ZDHHC14: variants seen among roughly 807,000 people sequenced by gnomAD.
ZDHHC14 encodes zDHHC palmitoyltransferase 14.
Under a neutral mutation model 47.7 loss-of-function variants are expected in ZDHHC14, and 16 were observed. The observed-to-expected ratio is 0.34, with a 90% CI of 0.23 to 0.51. The LOEUF (loss-of-function observed/expected upper bound fraction) is 0.51. ZDHHC14 is among the 20% of genes least tolerant of loss of function. The pLI, the probability that ZDHHC14 is intolerant of heterozygous loss-of-function variation, is 0.97. For synonymous variants in ZDHHC14, 293 were observed against 278.9 expected (o/e 1.05, Z -0.50); for missense variants, 515 against 662.5 (o/e 0.78, Z 2.44).
intron 1 of ZDHHC14, among the ~76,000 whole-genome samples, chr6:157,529,779 A>G (rs1480190416): frequency 6.6e-6 from 1 of 152,232 alleles, no homozygotes; most frequent in Non-Finnish European, 1.5e-5. Context: ...TGTAGAGTGC[A>G]AAACAGAAGT....
At chr6:157,532,376 A>G (rs1465082796) in intron 1 of ZDHHC14, among the ~76,000 whole-genome samples, 1 of 152,232 alleles carries the variant, frequency 6.6e-6, no homozygotes, top group Non-Finnish European at 1.5e-5. Context: ...AATTCCATGA[A>G]CATTGCCGGT....
At chr6:157,523,089 C>T (rs1781018430) in intron 1 of ZDHHC14, among the ~76,000 whole-genome samples, 1 of 150,070 alleles carries the variant, frequency 6.7e-6, no homozygotes, top group Non-Finnish European at 1.5e-5. Flanking sequence ...GATCTCCAGA[C>T]TCCACCAGCA....
At chr6:157,509,060 G>T (rs1329144638) in intron 1 of ZDHHC14, among the ~76,000 whole-genome samples, 2 of 152,146 alleles carry the variant, frequency 1.3e-5, no homozygotes, top group Non-Finnish European at 2.9e-5. Flanking sequence ...GCATTCCTTG[G>T]CTCGTGGCTC....
chr6:157,668,896 G>A (rs1778669781), intron 8 of ZDHHC14, among the ~76,000 whole-genome samples: 1 of 152,208 alleles, frequency 6.6e-6, no homozygotes, highest in Non-Finnish European at 1.5e-5. Context: ...GCATGGCAAA[G>A]CACCAGTAGG....
chr6:157,579,003 T>G (rs1035693748), intron 2 of ZDHHC14, among the ~76,000 whole-genome samples: 3 of 152,200 alleles, frequency 2.0e-5, no homozygotes, highest in Non-Finnish European at 2.9e-5. Context: ...TCAGGTAATG[T>G]GATGCTTCCA....
At chr6:157,641,603 A>G (rs1320179997) in intron 5 of ZDHHC14, among the ~76,000 whole-genome samples, 1 of 152,168 alleles carries the variant, frequency 6.6e-6, no homozygotes, top group East Asian at 1.9e-4. Flanking sequence ...AATAATAATA[A>G]TAATCTCTTA....
At chr6:157,601,257 A>G (rs1784326741) in intron 3 of ZDHHC14, among the ~76,000 whole-genome samples, 1 of 152,268 alleles carries the variant, frequency 6.6e-6, no homozygotes, top group African/African-American at 2.4e-5. Context: ...CTTTATAGCA[A>G]AACACTGCCA....
chr6:157,608,512 G>A (rs1457678696), intron 3 of ZDHHC14, among the ~76,000 whole-genome samples: 4 of 152,204 alleles, frequency 2.6e-5, no homozygotes, highest in African/African-American at 9.6e-5. Flanking sequence ...GCCAGGCACA[G>A]AGAGGAGAGC....
At chr6:157,397,338 A>G (rs1487977513) in intron 1 of ZDHHC14, among the ~76,000 whole-genome samples, 3 of 152,232 alleles carry the variant, frequency 2.0e-5, no homozygotes, top group African/African-American at 7.2e-5. Context: ...CAGTCTGTAC[A>G]TCAGAAGTCT....
chr6:157,452,772 G>C (rs1034594969), intron 1 of ZDHHC14, among the ~76,000 whole-genome samples: 1 of 132,480 alleles, frequency 7.5e-6, no homozygotes, highest in Admixed American at 9.3e-5. Context: ...GTGCGATCTC[G>C]GCTCACTGCA....
At chr6:157,490,172 C>A (rs1779879922) in intron 1 of ZDHHC14, among the ~76,000 whole-genome samples, 1 of 152,068 alleles carries the variant, frequency 6.6e-6, no homozygotes, top group South Asian at 2.1e-4. Context: ...GGGAACAGGT[C>A]TTTTATGGGC....
chr6:157,612,610 G>T (rs1415648952), intron 3 of ZDHHC14, among the ~76,000 whole-genome samples: 1 of 152,154 alleles, frequency 6.6e-6, no homozygotes, highest in East Asian at 1.9e-4. Context: ...TATACACTGG[G>T]GATGTGTGGA....
intron 3 of ZDHHC14, 38 bp downstream of exon 3, chr6:157,593,184 G>T: frequency 6.3e-7 from 1 of 1,582,352 alleles, no homozygotes; most frequent in Non-Finnish European, 8.6e-7. Flanking sequence ...GGGAGCCCGG[G>T]TCCTCCGGGT....
At chr6:157,448,287 C>A (rs952381043) in intron 1 of ZDHHC14, among the ~76,000 whole-genome samples, 2 of 152,076 alleles carry the variant, frequency 1.3e-5, no homozygotes, top group African/African-American at 4.8e-5. Context: ...TTTGTTCTAC[C>A]ATTCACCTTA....
At chr6:157,552,517 C>T (rs1782274842) in intron 2 of ZDHHC14, among the ~76,000 whole-genome samples, 1 of 151,982 alleles carries the variant, frequency 6.6e-6, no homozygotes. Context: ...CATTTTTATT[C>T]CAAGTGTGGA....
At position 157,647,441 on chromosome 6, in the gene ZDHHC14, G is replaced by A. The variant is rs564877826; in HGVS notation, c.965+73G>A. On this transcript the variant is annotated intron_variant, in intron 7 of 8. Transcript: ENST00000359775. Reference sequence around the variant, plus strand: ...AATGCCTCGGCCGTTAGCACAGGCCGCCCGCCCTGGTGGAATGGGTCGCCG... The same window carrying A: ...AATGCCTCGGCCGTTAGCACAGGCCACCCGCCCTGGTGGAATGGGTCGCCG... 23 of 1,213,678 alleles carry A rather than the reference G, an allele frequency of 1.9e-5. No homozygotes were observed. In the Middle Eastern group the frequency reaches 6.1e-4, roughly 32 times the overall value. 75.2% of individuals were successfully genotyped at this position (1,213,678 alleles called of 1,614,324 possible). A position where few individuals can be genotyped will look rare whatever the true frequency, so the allele number is the denominator to read the frequency against.
intron 1 of ZDHHC14, among the ~76,000 whole-genome samples, chr6:157,488,906 C>G (rs1779844528): frequency 1.3e-5 from 2 of 152,228 alleles, no homozygotes; most frequent in Non-Finnish European, 2.9e-5. Flanking sequence ...CTGCAGCAAT[C>G]ATGCCACCCA....
At chr6:157,553,729 A>T (rs1344479601) in intron 2 of ZDHHC14, among the ~76,000 whole-genome samples, 8 of 152,070 alleles carry the variant, frequency 5.3e-5, no homozygotes, top group Non-Finnish European at 1.2e-4. Flanking sequence ...AGGATGGGAG[A>T]TACATTAACT....
chr6:157,603,363 A>T (rs1043992077), intron 3 of ZDHHC14, among the ~76,000 whole-genome samples: 1 of 152,232 alleles, frequency 6.6e-6, no homozygotes, highest in African/African-American at 2.4e-5. Flanking sequence ...CAGGATGGTC[A>T]TTTTAGACCA....
Sources: gnomAD v4.1 joint callset for allele counts (sites outside exome capture counted in the v4.1 genomes callset) on GRCh38, gnomAD v4.1.1 for gene constraint, MANE v1.5 for transcripts, NCBI Gene and HGNC (gene_info 2026-07-23, HGNC 2026-07-21) for gene names.